The following NLGN4X variants were observed in gnomAD, a reference collection of about 807,000 sequenced individuals.
NLGN4X encodes neuroligin-4, X-linked.
NLGN4X carries 3 observed loss-of-function variants against 40.3 expected under a neutral mutation model. The ratio of observed to expected loss-of-function variants is 0.07; its 90% CI spans 0.03 to 0.19. NLGN4X has a LOEUF of 0.19. NLGN4X is among the 10% of genes least tolerant of loss of function. The pLI, the probability that NLGN4X is intolerant of heterozygous loss-of-function variation, is 1.00. For synonymous variants in NLGN4X, 270 were observed against 306.8 expected (o/e 0.88, Z 1.25); for missense variants, 382 against 708.3 (o/e 0.54, Z 5.23).
chrX:6,058,491 GCATA>G (rs1453629759), intron 2 of NLGN4X, among the ~76,000 whole-genome samples: 1 of 112,058 alleles, frequency 8.9e-6, no homozygotes, highest in African/African-American at 3.2e-5. Flanking sequence ...ATCCTTACTT[GCATA>G]GTTTGCTGGC....
At chrX:6,171,441 T>C (rs1027889692) in intron 1 of NLGN4X, among the ~76,000 whole-genome samples, 2 of 112,411 alleles carry the variant, frequency 1.8e-5, no homozygotes, top group African/African-American at 6.5e-5. Context: ...ATCTGAGACC[T>C]GCATTCTTTC....
chrX:5,910,564 C>T lies in NLGN4X; in HGVS notation c.626-1325G>A, dbSNP rs867574554. On this transcript the variant is annotated intron_variant, in intron 3 of 5. Coordinates refer to ENST00000381095, the MANE Select transcript of NLGN4X (RefSeq NM_181332.3). ...AAAGCACGTCCCTAACCAAAGTTGA[C>T]GGCATTCCAAGGAGTGACTGAGTGC... 4.5e-5 allele frequency among the ~76,000 whole-genome samples: 5 copies of T among 111,131 alleles called. No individual in the cohort carries two copies. In the South Asian group the frequency reaches 1.9e-3, roughly 42 times the overall value.
At chrX:6,095,108 T>A (rs1322699606) in intron 2 of NLGN4X, among the ~76,000 whole-genome samples, 3 of 25,329 alleles carry the variant, frequency 1.2e-4, no homozygotes, top group African/African-American at 4.5e-4. Context: ...CGTGCGTGTG[T>A]GTGTGTGTGT....
chrX:6,085,560 G>A (rs2038477005), intron 2 of NLGN4X, among the ~76,000 whole-genome samples: 1 of 111,885 alleles, frequency 8.9e-6, no homozygotes, highest in Non-Finnish European at 1.9e-5. Flanking sequence ...ATTAAGAGAT[G>A]GATTCAACCT....
chrX:6,146,940 A>G (rs754885319), intron 2 of NLGN4X, among the ~76,000 whole-genome samples: 26 of 109,771 alleles, frequency 2.4e-4, no homozygotes, highest in African/African-American at 8.6e-4. Context: ...ACAGGCGCAC[A>G]CCACCATGCC....
chrX:6,049,610 G>T (rs1265805979), intron 2 of NLGN4X, among the ~76,000 whole-genome samples: 1 of 107,853 alleles, frequency 9.3e-6, no homozygotes, highest in Non-Finnish European at 1.9e-5. Flanking sequence ...AATTACATGG[G>T]TTTGTATGTT....
At chrX:6,114,611 ATTAT>A (rs1215565800) in intron 2 of NLGN4X, among the ~76,000 whole-genome samples, 4 of 110,601 alleles carry the variant, frequency 3.6e-5, no homozygotes, top group Non-Finnish European at 7.5e-5. Flanking sequence ...TTTTATATGA[ATTAT>A]TTACTTTTCT....
intron 1 of NLGN4X, among the ~76,000 whole-genome samples, chrX:6,181,491 A>T (rs750460964): frequency 7.2e-5 from 8 of 111,637 alleles, no homozygotes; most frequent in Non-Finnish European, 1.1e-4. Context: ...CTTTATGAAC[A>T]AAAGGAATTT....
chrX:6,200,687 C>CTTTCTTTTTTTCT (rs1923509998), intron 1 of NLGN4X, among the ~76,000 whole-genome samples: 1 of 55,575 alleles, frequency 1.8e-5, no homozygotes, highest in Non-Finnish European at 3.1e-5. Flanking sequence ...CTTTCCTTTT[C>CTTTCTTTTTTTCT]TTTTTTTTTT....
intron 1 of NLGN4X, among the ~76,000 whole-genome samples, chrX:6,179,365 A>C (rs1921179558): frequency 8.9e-6 from 1 of 111,886 alleles, no homozygotes; most frequent in South Asian, 3.8e-4. Flanking sequence ...AGAGGAAAGG[A>C]CAAGGCTTTG....
At chrX:5,911,455 C>G (rs926515661) in intron 3 of NLGN4X, among the ~76,000 whole-genome samples, 4 of 111,815 alleles carry the variant, frequency 3.6e-5, no homozygotes, top group Non-Finnish European at 1.9e-5. Flanking sequence ...CTAACAGCAT[C>G]CTATTGGATG....
intron 3 of NLGN4X, among the ~76,000 whole-genome samples, chrX:5,972,015 G>C (rs2035034278): frequency 8.9e-6 from 1 of 111,804 alleles, no homozygotes; most frequent in Admixed American, 9.5e-5. Flanking sequence ...CAACTTTTAA[G>C]TAATGGTAAT....
intron 3 of NLGN4X, among the ~76,000 whole-genome samples, chrX:5,998,498 C>G (rs1655585299): frequency 9.0e-6 from 1 of 111,565 alleles, no homozygotes; most frequent in Admixed American, 9.5e-5. Context: ...TATTCAGACA[C>G]CTTTTTCAGC....
At chrX:6,005,440 C>G (rs1283328191) in intron 3 of NLGN4X, among the ~76,000 whole-genome samples, 1 of 111,354 alleles carries the variant, frequency 9.0e-6, no homozygotes, top group Non-Finnish European at 1.9e-5. Flanking sequence ...TTAGCTTCCT[C>G]CCAGAGAAGT....
chrX:5,983,889 T>A (rs2035457874), intron 3 of NLGN4X, among the ~76,000 whole-genome samples: 1 of 111,965 alleles, frequency 8.9e-6, no homozygotes, highest in Admixed American at 9.5e-5. Context: ...GAAGCTACAG[T>A]GAGCTATGAT....
chrX:6,178,938 C>CA (rs1921104623), intron 1 of NLGN4X, among the ~76,000 whole-genome samples: 1 of 110,143 alleles, frequency 9.1e-6, no homozygotes, highest in Non-Finnish European at 1.9e-5. Flanking sequence ...TCTAAAAAAA[C>CA]AAATTTTAAA....
intron 3 of NLGN4X, among the ~76,000 whole-genome samples, chrX:5,957,220 G>GT (rs1327354881): frequency 9.0e-6 from 1 of 111,668 alleles, no homozygotes; most frequent in Non-Finnish European, 1.9e-5. Context: ...CGTGCAAATA[G>GT]ATATACTATT....
At chrX:5,955,059 A>AT (rs2034448207) in intron 3 of NLGN4X, among the ~76,000 whole-genome samples, 1 of 111,995 alleles carries the variant, frequency 8.9e-6, no homozygotes, top group South Asian at 3.7e-4. Flanking sequence ...AAAATATTCC[A>AT]TTTTTTTAAA....
chrX:5,968,457 CTG>C (rs529573810), intron 3 of NLGN4X, among the ~76,000 whole-genome samples: 1,942 of 46,701 alleles, frequency 0.042, 59 homozygotes, highest in Non-Finnish European at 0.05. Context: ...CTCTCTCTCT[CTG>C]TGTGTGTGTG....
Sources: gnomAD v4.1 joint callset for allele counts (sites outside exome capture counted in the v4.1 genomes callset) on GRCh38, gnomAD v4.1.1 for gene constraint, MANE v1.5 for transcripts, NCBI Gene and HGNC (gene_info 2026-07-23, HGNC 2026-07-21) for gene names.